The following GUCY1A2 variants were observed in gnomAD, a reference collection of about 807,000 sequenced individuals.
GUCY1A2 encodes the protein guanylate cyclase 1 soluble subunit alpha 2.
A neutral mutation model predicts 63.5 loss-of-function variants in GUCY1A2; 27 were observed. The observed-to-expected ratio is 0.43, with a 90% confidence interval of 0.31 to 0.59. The LOEUF is 0.59. Ranked by LOEUF, GUCY1A2 falls within the 20% of genes least tolerant of loss-of-function variation. The probability of loss-of-function intolerance (pLI) is 0.11; values close to 1 mark genes in which losing one functional copy is unlikely to be tolerated. For synonymous variants in GUCY1A2, 364 were observed against 343.5 expected (o/e 1.06, Z -0.66); for missense variants, 768 against 913.3 (o/e 0.84, Z 2.05).
chr11:106,688,580 A>G lies in GUCY1A2; in HGVS notation c.1992-824T>C, dbSNP rs190483367. Reference sequence around the variant, plus strand: ...TATAAGAAGTGGAACACATCTAAAAAGCTCACAGTTTTGTCAACAGATATA... The same window carrying G: ...TATAAGAAGTGGAACACATCTAAAAGGCTCACAGTTTTGTCAACAGATATA... On this transcript the variant is annotated intron_variant, in intron 7 of 7. Transcript: ENST00000526355. 3.9e-3 allele frequency among the ~76,000 whole-genome samples: 590 copies of G among 152,298 alleles called. 4 individuals are homozygous for G. Among genetic ancestry groups the G allele is most frequent in the African/African-American group, 0.014 (576 of 41,568 alleles).
At chr11:106,818,898 T>A (rs576626293) in intron 4 of GUCY1A2, among the ~76,000 whole-genome samples, 1 of 152,240 alleles carries the variant, frequency 6.6e-6, no homozygotes, top group Admixed American at 6.6e-5. Flanking sequence ...AGATCTCTAA[T>A]TCTATGAAGG....
At chr11:106,744,811 TA>T (rs1309170534) in intron 6 of GUCY1A2, among the ~76,000 whole-genome samples, 6 of 152,186 alleles carry the variant, frequency 3.9e-5, no homozygotes, top group African/African-American at 1.2e-4. Flanking sequence ...TGTACCTCAT[TA>T]AAAATTATAT....
intron 1 of GUCY1A2, among the ~76,000 whole-genome samples, chr11:106,996,590 A>T (rs1861542015): frequency 6.6e-6 from 1 of 152,210 alleles, no homozygotes; most frequent in South Asian, 2.1e-4. Flanking sequence ...GAGTAATAAG[A>T]CACATTTCAC....
chr11:106,856,082 C>T (rs1859429832), intron 4 of GUCY1A2, among the ~76,000 whole-genome samples: 1 of 149,492 alleles, frequency 6.7e-6, no homozygotes, highest in Admixed American at 6.7e-5. Flanking sequence ...TGTGCCACCA[C>T]ACCTGGCTAA....
chr11:106,884,181 C>CA (rs1426106844), intron 4 of GUCY1A2, among the ~76,000 whole-genome samples: 7 of 151,184 alleles, frequency 4.6e-5, no homozygotes, highest in Middle Eastern at 3.4e-3. Context: ...TGGAGTATAA[C>CA]AAAAAAAAGA....
At chr11:106,807,162 A>G (rs939202600) in intron 5 of GUCY1A2, among the ~76,000 whole-genome samples, 1 of 152,150 alleles carries the variant, frequency 6.6e-6, no homozygotes, top group Non-Finnish European at 1.5e-5. Flanking sequence ...AATTCTATAC[A>G]TACTTTCAAT....
intron 6 of GUCY1A2, among the ~76,000 whole-genome samples, chr11:106,713,919 T>C (rs1314173654): frequency 2.6e-5 from 4 of 151,908 alleles, no homozygotes; most frequent in Non-Finnish European, 5.9e-5. Context: ...GCTAAGACTG[T>C]CCGTTTGAGA....
At chr11:106,766,812 C>T (rs2135395641) in intron 6 of GUCY1A2, among the ~76,000 whole-genome samples, 1 of 152,024 alleles carries the variant, frequency 6.6e-6, no homozygotes, top group Non-Finnish European at 1.5e-5. Flanking sequence ...ACTGAAGTGT[C>T]AGTAAAAGAT....
chr11:106,680,348 T>A lies in GUCY1A2; in HGVS notation c.*7201A>T, dbSNP rs1653305047. 4.7e-6 allele frequency: 1 copy of A among 210,632 alleles called. No homozygotes were observed. Among genetic ancestry groups the A allele is most frequent in the African/African-American group, 2.3e-5 (1 of 44,076 alleles). 13.0% of individuals were successfully genotyped at this position (210,632 alleles called of 1,614,324 possible). On this transcript the variant is annotated 3_prime_UTR_variant, in exon 8 of 8. Coordinates refer to ENST00000526355, the MANE Select transcript of GUCY1A2 (RefSeq NM_000855.3). ...TATATTAAGTAGAATTCCTTCTTTA[T>A]CTGCAAATAGCAAAAAGTCCACAGA...
At chr11:106,795,124 G>A (rs946813310) in intron 5 of GUCY1A2, among the ~76,000 whole-genome samples, 1 of 152,278 alleles carries the variant, frequency 6.6e-6, no homozygotes, top group South Asian at 2.1e-4. Context: ...TATAGATGCA[G>A]AAGCTGAACA....
intron 3 of GUCY1A2, among the ~76,000 whole-genome samples, chr11:106,968,388 T>C (rs914747007): frequency 2.0e-5 from 3 of 152,160 alleles, no homozygotes; most frequent in African/African-American, 7.2e-5. Context: ...CAATCATATT[T>C]CCCTAGGAAG....
chr11:106,862,108 T>C (rs1023327937), intron 4 of GUCY1A2, among the ~76,000 whole-genome samples: 1 of 152,072 alleles, frequency 6.6e-6, no homozygotes, highest in Non-Finnish European at 1.5e-5. Context: ...ATAGCATCTA[T>C]TGTTCTGCCC....
chr11:106,901,102 T>G (rs904625090), intron 4 of GUCY1A2, among the ~76,000 whole-genome samples: 6 of 152,226 alleles, frequency 3.9e-5, no homozygotes, highest in Non-Finnish European at 5.9e-5. Context: ...TCTCAAACCC[T>G]GCTGCTGCCC....
chr11:106,708,514 G>C lies in GUCY1A2; in HGVS notation c.1989C>G (p.Tyr663Ter). Residue 663 changes from tyrosine (Y) to a stop codon, truncating the protein, a stop_gained and splice_region_variant, in exon 7 of 8, where the codon TAC becomes TAG. Coordinates refer to ENST00000526355, the MANE Select transcript of GUCY1A2 (RefSeq NM_000855.3). LOFTEE classifies it high-confidence loss of function. The stretch of plus-strand genomic sequence containing the variant: ...GGAGGAGGCCAGAGAACACTTACTG[G>C]TAAGTGGTTGGGCTGACATTGATGC... ...PRRINVSPTT[Y>*]QLLKREESFT... The C allele has an allele frequency of 6.2e-7, 1 of 1,611,060 alleles. No individual in the cohort carries two copies. Among genetic ancestry groups the C allele is most frequent in the Non-Finnish European group, 8.5e-7 (1 of 1,178,164 alleles).
intron 6 of GUCY1A2, among the ~76,000 whole-genome samples, chr11:106,772,022 G>A (rs996806688): frequency 1.3e-5 from 2 of 151,796 alleles, no homozygotes; most frequent in African/African-American, 4.8e-5. Flanking sequence ...AGTACTTATT[G>A]AACAATAATT....
intron 4 of GUCY1A2, among the ~76,000 whole-genome samples, chr11:106,851,307 C>G (rs1202786771): frequency 6.6e-6 from 1 of 151,716 alleles, no homozygotes; most frequent in Non-Finnish European, 1.5e-5. Context: ...CAGGTTGTCT[C>G]ATAACTGTTG....
chr11:106,927,023 CA>C (rs201163676), intron 4 of GUCY1A2, among the ~76,000 whole-genome samples: 27 of 145,382 alleles, frequency 1.9e-4, no homozygotes, highest in African/African-American at 3.5e-4. Context: ...TACTTAAAAA[CA>C]AAAAAAAAAT....
chr11:106,986,103 C>G lies in GUCY1A2; in HGVS notation c.332G>C (p.Arg111Thr). 6.6e-7 allele frequency: 1 copy of G among 1,511,318 alleles called. No individual in the cohort carries two copies. Among genetic ancestry groups the G allele is most frequent in the South Asian group, 1.1e-5 (1 of 88,840 alleles). The allele number at this position is 1,511,318 out of a possible 1,614,324, so 93.6% of individuals were successfully genotyped here. A position where few individuals can be genotyped will look rare whatever the true frequency, so the allele number is the denominator to read the frequency against. ...TTGATGTTCATAATACTGCAGTGTC[C>G]TCTTGAGAGTCTGCTGTATCGTCTG... ...SPQTIQQTLKRTLQYYEHQVI... is the reference protein window; with the variant it reads ...SPQTIQQTLKTTLQYYEHQVI... Residue 111 changes from arginine (R) to threonine (T), a missense_variant, in exon 2 of 8, where the codon AGG (arginine) becomes ACG (threonine). Physicochemically the swap from Arg to Thr is moderately conservative, Grantham distance 71. Coordinates refer to ENST00000526355, the MANE Select transcript of GUCY1A2 (RefSeq NM_000855.3).
chr11:106,684,535 G>A lies in GUCY1A2; in HGVS notation c.*3014C>T, dbSNP rs1218289722. ...GTACATATTGGGGGATTCTGATTTT[G>A]TTAGATAACTGATTTATTTGCAAAT... On this transcript the variant is annotated 3_prime_UTR_variant, in exon 8 of 8. Transcript: ENST00000526355. 2 of 195,934 alleles carry A rather than the reference G, an allele frequency of 1.0e-5. No individual in the cohort carries two copies. The highest frequency in any genetic ancestry group is 2.1e-5 in the Non-Finnish European group (2 of 94,338). The allele number at this position is 195,934 out of a possible 1,614,324, so 12.1% of individuals were successfully genotyped here.
Sources: gnomAD v4.1 joint callset for allele counts (sites outside exome capture counted in the v4.1 genomes callset) on GRCh38, gnomAD v4.1.1 for gene constraint, MANE v1.5 for transcripts, NCBI Gene and HGNC (gene_info 2026-07-23, HGNC 2026-07-21) for gene names.